TENM2: variants seen among roughly 807,000 people sequenced by gnomAD.
TENM2 encodes the protein teneurin transmembrane protein 2, also known as teneurin-2.
Under a neutral mutation model 245.2 loss-of-function variants are expected in TENM2, and 52 were observed. The ratio of observed to expected loss-of-function variants is 0.21; its 90% CI spans 0.17 to 0.27. TENM2 has a LOEUF of 0.27. TENM2 is among the 10% of genes least tolerant of loss of function. The pLI is 1.00. For missense variants in TENM2, 3,046 were observed against 3,666.8 expected, an observed-to-expected ratio of 0.83 and a Z score of 4.37; for synonymous variants, 1,363 against 1,438.9, an observed-to-expected ratio of 0.95 and a Z score of 1.19.
At chr5:168,073,864 C>T (rs929190498) in intron 7 of TENM2, among the ~76,000 whole-genome samples, 1 of 152,206 alleles carries the variant, frequency 6.6e-6, no homozygotes, top group Non-Finnish European at 1.5e-5. Context: ...CAGGCCATCA[C>T]GTTGTATTCA....
chr5:167,403,608 T>G (rs1355718839), intron 2 of TENM2, among the ~76,000 whole-genome samples: 1 of 152,152 alleles, frequency 6.6e-6, no homozygotes, highest in Admixed American at 6.6e-5. Flanking sequence ...TAGAAGATCC[T>G]AAAACCTTGT....
chr5:167,154,984 T>G, the TENM2 span, among the ~76,000 whole-genome samples: 1 of 152,250 alleles, frequency 6.6e-6, no homozygotes, highest in African/African-American at 2.4e-5. Flanking sequence ...TCATGGTTTC[T>G]TATTGTATGA....
chr5:168,042,002 C>T (rs1788230979), intron 5 of TENM2, among the ~76,000 whole-genome samples: 1 of 152,188 alleles, frequency 6.6e-6, no homozygotes, highest in African/African-American at 2.4e-5. Context: ...GTTCTCTCCT[C>T]CCAGCAGTGG....
At chr5:167,500,979 A>G (rs977334271) in intron 2 of TENM2, among the ~76,000 whole-genome samples, 5 of 152,144 alleles carry the variant, frequency 3.3e-5, no homozygotes, top group African/African-American at 1.2e-4. Context: ...TAAAGAACAA[A>G]TTTGAGACTC....
chr5:167,875,891 AATATTT>A (rs1028946647), intron 2 of TENM2, 89 bp from the exon 5 acceptor site: 1 of 689,254 alleles, frequency 1.5e-6, no homozygotes, highest in Non-Finnish European at 2.3e-6. Context: ...TTTTTTTTTT[AATATTT>A]ATATTGTGAG....
chr5:167,416,930 G>C (rs1462364193), intron 2 of TENM2, among the ~76,000 whole-genome samples: 1 of 152,100 alleles, frequency 6.6e-6, no homozygotes, highest in African/African-American at 2.4e-5. Flanking sequence ...TCAATCAAAT[G>C]ATGTTTGATT....
At chr5:168,228,972 A>ATATATG (rs1764553611) in intron 25 of TENM2, among the ~76,000 whole-genome samples, 1 of 147,902 alleles carries the variant, frequency 6.8e-6, no homozygotes, top group African/African-American at 2.5e-5. Flanking sequence ...CATAATATAC[A>ATATATG]TATACGTATA....
At chr5:167,755,774 T>TA (rs1261107371) in intron 2 of TENM2, among the ~76,000 whole-genome samples, 2 of 152,138 alleles carry the variant, frequency 1.3e-5, no homozygotes, top group African/African-American at 4.8e-5. Flanking sequence ...TCTTGCTGCT[T>TA]GTATGTGATA....
chr5:167,317,721 T>C (rs1385508353), intron 1 of TENM2, among the ~76,000 whole-genome samples: 1 of 152,164 alleles, frequency 6.6e-6, no homozygotes, highest in African/African-American at 2.4e-5. Context: ...AAATGTCCTG[T>C]AATGGCCATT....
chr5:167,558,957 T>C (rs1178446532), intron 2 of TENM2, among the ~76,000 whole-genome samples: 1 of 151,878 alleles, frequency 6.6e-6, no homozygotes, highest in Non-Finnish European at 1.5e-5. Context: ...ACACAAATGA[T>C]TCATGAATGG....
At chr5:167,752,500 T>C (rs1762029766) in intron 2 of TENM2, among the ~76,000 whole-genome samples, 1 of 152,032 alleles carries the variant, frequency 6.6e-6, no homozygotes, top group Non-Finnish European at 1.5e-5. Context: ...TCTATTTCAG[T>C]GAGACTACAG....
chr5:168,211,117 A>G (rs553982724), intron 19 of TENM2, among the ~76,000 whole-genome samples: 1 of 152,322 alleles, frequency 6.6e-6, no homozygotes, highest in East Asian at 1.9e-4. Context: ...TTAAAAGGAG[A>G]CAATGAAGGT....
chr5:167,543,379 T>C (rs1772339694), intron 2 of TENM2, among the ~76,000 whole-genome samples: 1 of 152,250 alleles, frequency 6.6e-6, no homozygotes, highest in South Asian at 2.1e-4. Context: ...AAATAGACTC[T>C]TTCCTCTTGA....
At chr5:168,105,441 C>A (rs1004058953) in intron 9 of TENM2, among the ~76,000 whole-genome samples, 8 of 152,100 alleles carry the variant, frequency 5.3e-5, no homozygotes, top group Admixed American at 6.5e-5. Context: ...GGAAGGGGAA[C>A]CTGGGGCAGA....
intron 2 of TENM2, among the ~76,000 whole-genome samples, chr5:167,750,375 T>C (rs1761879746): frequency 6.6e-6 from 1 of 152,132 alleles, no homozygotes. Context: ...TCTCCTTGAC[T>C]CTTGATATCC....
intron 2 of TENM2, among the ~76,000 whole-genome samples, chr5:167,823,050 G>A (rs1018266587): frequency 6.6e-6 from 1 of 152,196 alleles, no homozygotes; most frequent in African/African-American, 2.4e-5. Flanking sequence ...TGTTACCAGT[G>A]TGAGAGAGGC....
intron 1 of TENM2, among the ~76,000 whole-genome samples, chr5:167,333,235 AG>A (rs532867244): frequency 6.4e-4 from 98 of 152,260 alleles, no homozygotes; most frequent in Non-Finnish European, 1.3e-3. Flanking sequence ...AGAAAATGGG[AG>A]GGGGAACACT....
chr5:167,782,552 A>T (rs1298409299), intron 2 of TENM2, among the ~76,000 whole-genome samples: 1 of 152,060 alleles, frequency 6.6e-6, no homozygotes, highest in Non-Finnish European at 1.5e-5. Flanking sequence ...ATCATTTCCA[A>T]GTTCAGCTCT....
the TENM2 span, among the ~76,000 whole-genome samples, chr5:167,193,875 G>A: frequency 3.9e-5 from 6 of 151,990 alleles, no homozygotes; most frequent in African/African-American, 1.4e-4. Flanking sequence ...ATTGTGCAAT[G>A]TGCTTTACAG....
Sources: allele counts gnomAD v4.1 joint callset (sites outside exome capture counted in the v4.1 genomes callset), GRCh38; gene constraint gnomAD v4.1.1; transcripts MANE v1.5; gene names NCBI Gene and HGNC (gene_info 2026-07-23, HGNC 2026-07-21).